The following MAP7D3 variants were observed in gnomAD, a reference collection of about 807,000 sequenced individuals.
MAP7D3 encodes MAP7 domain-containing protein 3.
A neutral mutation model predicts 62.2 loss-of-function variants in MAP7D3; 45 were observed. That is an observed-to-expected ratio of 0.72 (90% CI 0.57 to 0.93). The LOEUF (loss-of-function observed/expected upper bound fraction) is 0.93, where lower values mean the gene tolerates loss of function less well. MAP7D3 is among the 40% of genes least tolerant of loss of function. The pLI, the probability that MAP7D3 is intolerant of heterozygous loss-of-function variation, is 0.00. For synonymous variants in MAP7D3, 288 were observed against 248.8 expected, an observed-to-expected ratio of 1.16 and a Z score of -1.48; for missense variants, 711 against 683.1, an observed-to-expected ratio of 1.04 and a Z score of -0.45.
At chrX:136,216,418 GAAGA>G (rs1264483551), downstream of MAP7D3, among the ~76,000 whole-genome samples, 4 of 77,639 alleles carry the variant, frequency 5.2e-5, no homozygotes, top group African/African-American at 1.4e-4. Flanking sequence ...GAAGAAGAAA[GAAGA>G]AAGAAGAAAG....
intron 4 of MAP7D3, among the ~76,000 whole-genome samples, chrX:136,242,460 T>C (rs1265581806): frequency 9.4e-6 from 1 of 106,892 alleles, no homozygotes; most frequent in African/African-American, 3.4e-5. Context: ...TGAGTCTGGG[T>C]TTTTTTTTTC....
At chrX:136,220,717 A>T in intron 16 of MAP7D3, 48 bp downstream of exon 16, 1 of 1,023,271 alleles carries the variant, frequency 9.8e-7, no homozygotes, top group Non-Finnish European at 1.4e-6. Flanking sequence ...AAGATTGTCA[A>T]TCATAATCCT....
intron 10 of MAP7D3, among the ~76,000 whole-genome samples, chrX:136,229,955 T>G (rs6633816): frequency 0.09 from 5,379 of 59,800 alleles, 279 homozygotes; most frequent in Admixed American, 0.24. Context: ...ATTTTTTTTT[T>G]TGTGTGTGTA....
chrX:136,239,698 T>G (rs2074366934), intron 6 of MAP7D3, among the ~76,000 whole-genome samples: 2 of 112,608 alleles, frequency 1.8e-5, no homozygotes, highest in African/African-American at 6.4e-5. Context: ...TGAGGTAATA[T>G]TCACAATACT....
At chrX:136,256,439 C>A in exon 1 of MAP7D3, 2 of 755,931 alleles carry the variant, frequency 2.6e-6, no homozygotes, top group African/African-American at 4.1e-5. Context: ...CCAGGGTGAC[C>A]CTGCTGTCTA....
intron 1 of MAP7D3, 22 bp from the exon 2 acceptor site, chrX:136,246,363 G>C: frequency 9.6e-7 from 1 of 1,038,116 alleles, no homozygotes; most frequent in African/African-American, 1.8e-5. Flanking sequence ...GGAGATAAAA[G>C]GATTAGATGT....
intron 15 of MAP7D3, among the ~76,000 whole-genome samples, 153 bp from the exon 16 acceptor site, chrX:136,221,116 A>T (rs2074122361): frequency 9.0e-6 from 1 of 111,520 alleles, no homozygotes; most frequent in Admixed American, 9.5e-5. Flanking sequence ...CAGGCCCAGC[A>T]GTCACAGAGT....
intron 16 of MAP7D3, 67 bp from the exon 17 acceptor site, chrX:136,219,738 T>G: frequency 3.6e-6 from 3 of 834,851 alleles, no homozygotes; most frequent in Non-Finnish European, 3.6e-6. Flanking sequence ...TAAAAGAAGC[T>G]TTGTCCTTTA....
At chrX:136,224,745 A>G (rs1267652701) in intron 14 of MAP7D3, 82 bp downstream of exon 14, 3 of 610,852 alleles carry the variant, frequency 4.9e-6, no homozygotes, top group Non-Finnish European at 7.9e-6. Context: ...CATTACCACC[A>G]GATTGGGTAA....
intron 7 of MAP7D3, among the ~76,000 whole-genome samples, chrX:136,234,361 G>C (rs2074307111): frequency 9.0e-6 from 1 of 111,332 alleles, no homozygotes; most frequent in South Asian, 3.8e-4. Context: ...CTAACTAAAA[G>C]CTGAAGGGTG....
chrX:136,238,952 G>A (rs773613947), intron 6 of MAP7D3, among the ~76,000 whole-genome samples: 10 of 111,592 alleles, frequency 9.0e-5, no homozygotes, highest in African/African-American at 1.9e-4. Flanking sequence ...AAAAATTGTC[G>A]AGATACCTAA....
intron 3 of MAP7D3, among the ~76,000 whole-genome samples, chrX:136,245,135 C>T (rs1418885913): frequency 1.8e-5 from 2 of 112,259 alleles, no homozygotes; most frequent in Non-Finnish European, 3.8e-5. Flanking sequence ...TATTAATATG[C>T]TGTACATTAA....
Position 136,246,079 on chromosome X carries a change from CT to C in MAP7D3, c.238del (p.Arg80GlyfsTer34). 1 of 1,197,680 alleles carries C rather than the reference CT, an allele frequency of 8.3e-7. No homozygotes were observed. Among genetic ancestry groups the C allele is most frequent in the Non-Finnish European group, 1.1e-6 (1 of 886,310 alleles). Reference sequence around the variant, plus strand: ...CTAAAATATACCGTCTTGCTGTCTCCTTTTCTCCTCTCTGCGCTCTCTTGCT... The same window carrying C: ...CTAAAATATACCGTCTTGCTGTCTCCTTTCTCCTCTCTGCGCTCTCTTGCT... ...RLARERREEK[R>X]RQQDANKETQ... is the part of the protein sequence containing the mutation. On this transcript the variant is annotated frameshift_variant, in exon 3 of 19. Coordinates refer to ENST00000316077, the MANE Select transcript of MAP7D3 (RefSeq NM_024597.4). LOFTEE classifies it high-confidence loss of function.
intron 4 of MAP7D3, among the ~76,000 whole-genome samples, chrX:136,242,776 CT>C (rs1333990661): frequency 8.9e-6 from 1 of 112,083 alleles, no homozygotes; most frequent in Non-Finnish European, 1.9e-5. Flanking sequence ...ATTTCACTTT[CT>C]TTGGTTCTTT....
chrX:136,219,382 T>G lies in MAP7D3; in HGVS notation c.*32+16A>C. On this transcript the variant is annotated intron_variant, in intron 18 of 18. Transcript: ENST00000316077. ...AATTGCCTTTCAAGAAAAAGGTAGA[T>G]GAGATGAGGACTTACCCAAATGAGG... is the stretch of plus-strand genomic sequence containing the variant. 471 of 995,197 alleles carry G rather than the reference T, an allele frequency of 4.7e-4. No individual in the cohort carries two copies. The highest frequency in any genetic ancestry group is 5.9e-4 in the Non-Finnish European group (423 of 713,824). 82.0% of individuals were successfully genotyped at this position (995,197 alleles called of 1,213,427 possible).
chrX:136,229,019 T>G (rs773556884), intron 10 of MAP7D3: 1 of 177,440 alleles, frequency 5.6e-6, no homozygotes, highest in Non-Finnish European at 1.0e-5. Flanking sequence ...TTTTAGTGGT[T>G]TTGAGATAAC....
chrX:136,254,055 T>C (rs1410767961), upstream of MAP7D3, among the ~76,000 whole-genome samples: 1 of 109,872 alleles, frequency 9.1e-6, no homozygotes, highest in Non-Finnish European at 1.9e-5. Flanking sequence ...GGGTAAAGAT[T>C]TGAGGTTTTT....
chrX:136,223,998 G>C (rs1279319565), intron 14 of MAP7D3, among the ~76,000 whole-genome samples: 1 of 97,914 alleles, frequency 1.0e-5, no homozygotes, highest in Non-Finnish European at 2.0e-5. Context: ...GCTGCAGTGA[G>C]CCATGATTGC....
chrX:136,233,635 TAAAAAAAA>T (rs151267120), intron 7 of MAP7D3, among the ~76,000 whole-genome samples: 2 of 30,588 alleles, frequency 6.5e-5, no homozygotes, highest in Non-Finnish European at 1.1e-4. Flanking sequence ...TAAATTAAAC[TAAAAAAAA>T]AAAAAAAAAA....
Sources: gnomAD v4.1 joint callset for allele counts (sites outside exome capture counted in the v4.1 genomes callset) on GRCh38, gnomAD v4.1.1 for gene constraint, MANE v1.5 for transcripts, NCBI Gene and HGNC (gene_info 2026-07-23, HGNC 2026-07-21) for gene names.